The following RGS3 variants were observed in gnomAD, a reference collection of about 807,000 sequenced individuals.
The protein encoded by RGS3 is regulator of G protein signaling 3.
Under a neutral mutation model 132.6 loss-of-function variants are expected in RGS3, and 80 were observed. The ratio of observed to expected loss-of-function variants is 0.60; its 90% CI spans 0.50 to 0.73. The LOEUF (loss-of-function observed/expected upper bound fraction) is 0.73. Among genes scored for constraint, RGS3 ranks in the 30% least tolerant of loss-of-function variants. The pLI is 0.00. For synonymous variants in RGS3, 598 were observed against 620.6 expected, an observed-to-expected ratio of 0.96 and a Z score of 0.54; for missense variants, 1,382 against 1,530.8, an observed-to-expected ratio of 0.90 and a Z score of 1.62.
chr9:113,469,173 G>C (rs1223186154), intron 3 of RGS3, among the ~76,000 whole-genome samples: 2 of 151,432 alleles, frequency 1.3e-5, no homozygotes, highest in African/African-American at 2.4e-5. Flanking sequence ...TGTAGTGAGA[G>C]TGAAGCTTGG....
At position 113,462,142 on chromosome 9, in the gene RGS3, A is replaced by G. The variant is rs758803538; in HGVS notation, c.356A>G (p.Glu119Gly). ...GATATCGCTCTGCCCAGAAGAGATG[A>G]GTGGACTCAAACTTCTCCAGCCAGG... is the stretch of plus-strand genomic sequence containing the variant. Residue 119 changes from glutamate to glycine, a missense_variant, in exon 3 of 25, where the codon GAG (glutamate) becomes GGG (glycine). Coordinates refer to ENST00000350696, the Ensembl canonical transcript of RGS3. 3 of 1,614,106 alleles carry G rather than the reference A, an allele frequency of 1.9e-6. No homozygotes were observed. The East Asian group carries it at 6.7e-5, about 36-fold the overall frequency.
intron 20 of RGS3, chr9:113,589,019 C>T (rs934987812): frequency 6.6e-6 from 1 of 152,244 alleles, no homozygotes; most frequent in South Asian, 2.1e-4. Context: ...GCTCCTAGTC[C>T]CTGGAGGTGG....
intron 10 of RGS3, among the ~76,000 whole-genome samples, chr9:113,502,855 T>C (rs895082917): frequency 6.6e-6 from 1 of 152,244 alleles, no homozygotes; most frequent in Non-Finnish European, 1.5e-5. Context: ...TAGCTGTGGC[T>C]TTTGAGCAAG....
rs143912665 is a variant in RGS3 at position 113,490,007 on chromosome 9, G to A, written c.689+4314G>A. On this transcript the variant is annotated intron_variant, in intron 7 of 24. Transcript: ENST00000350696. ...AAGAAGTTCTGGGGAAGGGCCAGAT[G>A]ATTTCAGTTCATCATGGTGATCACA... Among the ~76,000 whole-genome samples, 710 of 152,294 alleles carry A rather than the reference G, an allele frequency of 4.7e-3. 5 individuals are homozygous for A. The highest frequency in any genetic ancestry group is 0.016 in the African/African-American group (681 of 41,554).
At chr9:113,486,996 G>A (rs986758847) in intron 7 of RGS3, among the ~76,000 whole-genome samples, 1 of 150,544 alleles carries the variant, frequency 6.6e-6, no homozygotes, top group African/African-American at 2.4e-5. Context: ...ATAGAGACTT[G>A]GAGCTGAGAG....
intron 1 of RGS3, among the ~76,000 whole-genome samples, chr9:113,460,535 T>A (rs926773997): frequency 3.3e-5 from 5 of 150,986 alleles, no homozygotes; most frequent in Admixed American, 6.6e-5. Flanking sequence ...AAAAAAAAAA[T>A]TTTTTTTTCT....
chr9:113,593,822 C>T (rs1200288544), intron 21 of RGS3: 7 of 1,226,354 alleles, frequency 5.7e-6, no homozygotes, highest in South Asian at 1.4e-5. Flanking sequence ...GCCAGTCCTG[C>T]CACCCCGGTG....
chr9:113,451,188 GAA>G (rs1204091741), intron 1 of RGS3, among the ~76,000 whole-genome samples: 1 of 108,538 alleles, frequency 9.2e-6, no homozygotes, highest in African/African-American at 3.5e-5. Flanking sequence ...CAAAAAAAAA[GAA>G]AAAAAAAAAA....
At chr9:113,594,394 A>T (rs1345358969) in intron 21 of RGS3, 36 bp from the exon 20 acceptor site, 1 of 1,610,462 alleles carries the variant, frequency 6.2e-7, no homozygotes, top group Non-Finnish European at 8.5e-7. Flanking sequence ...CGAGTGGGCC[A>T]GGCTGAGCAA....
intron 18 of RGS3, among the ~76,000 whole-genome samples, chr9:113,533,959 C>T (rs1012789910): frequency 6.6e-6 from 1 of 152,250 alleles, no homozygotes; most frequent in Non-Finnish European, 1.5e-5. Flanking sequence ...CAGCGCACCA[C>T]CCAGTTCCCT....
chr9:113,474,800 T>C (rs1427317130), intron 3 of RGS3, among the ~76,000 whole-genome samples: 1 of 152,236 alleles, frequency 6.6e-6, no homozygotes, highest in Non-Finnish European at 1.5e-5. Flanking sequence ...GGCAAGTCCA[T>C]CATAGATGTA....
exon 25 of RGS3, chr9:113,597,141 G>A: frequency 3.5e-6 from 2 of 567,706 alleles, no homozygotes; most frequent in Non-Finnish European, 6.1e-6. Context: ...GTAGAAGGAT[G>A]GGCCCCGTGG....
chr9:113,564,910 G>A (rs371005768), intron 19 of RGS3: 5 of 995,544 alleles, frequency 5.0e-6, no homozygotes, highest in African/African-American at 3.5e-5. Context: ...CGTCGGGGTG[G>A]GGGTGTGACA....
At chr9:113,559,495 G>T (rs1312558624) in intron 19 of RGS3, among the ~76,000 whole-genome samples, 1 of 152,200 alleles carries the variant, frequency 6.6e-6, no homozygotes, top group Non-Finnish European at 1.5e-5. Context: ...TGGTCTCCTG[G>T]CTTTTGCTGC....
At chr9:113,452,562 A>G (rs1424087769) in intron 1 of RGS3, among the ~76,000 whole-genome samples, 1 of 151,870 alleles carries the variant, frequency 6.6e-6, no homozygotes, top group Non-Finnish European at 1.5e-5. Context: ...TACAGTTTTC[A>G]TCAAACTTGG....
chr9:113,462,746 A>G lies in RGS3; in HGVS notation c.415+545A>G, dbSNP rs1234963325. ...GCCTCTGGCATCTGGTACTCAACAC[A>G]TAACTCTTCTCTCCACTTTCTGTCT... On this transcript the variant is annotated intron_variant, in intron 3 of 24. Transcript: ENST00000350696. 7.2e-5 allele frequency among the ~76,000 whole-genome samples: 11 copies of G among 152,318 alleles called. No homozygotes were observed. In the South Asian group the frequency reaches 1.0e-3, roughly 14 times the overall value.
At chr9:113,586,336 A>T (rs1227612278) in intron 20 of RGS3, among the ~76,000 whole-genome samples, 3 of 152,090 alleles carry the variant, frequency 2.0e-5, no homozygotes, top group African/African-American at 7.2e-5. Context: ...CTCCAATAAA[A>T]CTATTTATAT....
chr9:113,510,788 A>G (rs1018696945), intron 14 of RGS3, among the ~76,000 whole-genome samples: 3 of 152,218 alleles, frequency 2.0e-5, no homozygotes, highest in South Asian at 2.1e-4. Context: ...AATGCATTGT[A>G]TTAAGATCCT....
intron 20 of RGS3, chr9:113,589,080 G>A (rs1317144863): frequency 1.3e-5 from 2 of 152,298 alleles, no homozygotes; most frequent in African/African-American, 4.8e-5. Context: ...TGAAGGAAGG[G>A]CTGTATGGTC....
Sources: gnomAD v4.1 joint callset for allele counts (sites outside exome capture counted in the v4.1 genomes callset) on GRCh38, gnomAD v4.1.1 for gene constraint, MANE v1.5 for transcripts, NCBI Gene and HGNC (gene_info 2026-07-23, HGNC 2026-07-21) for gene names.